Variants in NT5C2 observed in about 807,000 individuals in gnomAD.
The protein encoded by NT5C2 is 5'-nucleotidase, cytosolic II, also known as cytosolic purine 5'-nucleotidase.
Under a neutral mutation model 76.1 loss-of-function variants are expected in NT5C2, and 58 were observed. The ratio of observed to expected loss-of-function variants is 0.76; its 90% CI spans 0.62 to 0.95. NT5C2 has a LOEUF of 0.95. NT5C2 is among the 40% of genes least tolerant of loss of function. The pLI is 0.00. For missense variants in NT5C2, 478 were observed against 690.3 expected (o/e 0.69, Z 3.45); for synonymous variants, 229 against 237.4 (o/e 0.96, Z 0.32).
At chr10:103,115,481 T>C (rs1490563087) in intron 4 of NT5C2, among the ~76,000 whole-genome samples, 1 of 152,220 alleles carries the variant, frequency 6.6e-6, no homozygotes, top group Non-Finnish European at 1.5e-5. Context: ...GCCACTAATA[T>C]TATTACATGA....
intron 3 of NT5C2, among the ~76,000 whole-genome samples, chr10:103,140,763 T>G (rs2080265048): frequency 6.6e-6 from 1 of 152,248 alleles, no homozygotes; most frequent in South Asian, 2.1e-4. Context: ...GGTTTTGATT[T>G]GCACTTCCCC....
intron 3 of NT5C2, chr10:103,140,022 A>T (rs1458895326): frequency 6.6e-6 from 1 of 152,288 alleles, no homozygotes; most frequent in Non-Finnish European, 1.5e-5. Context: ...GGCTCAGGAG[A>T]TCCTCCTTAC....
At chr10:103,120,581 G>A (rs2075460770) in intron 4 of NT5C2, among the ~76,000 whole-genome samples, 1 of 152,080 alleles carries the variant, frequency 6.6e-6, no homozygotes. Flanking sequence ...ATAAGATACC[G>A]TAACTTCACA....
chr10:103,113,527 A>G (rs145457397), intron 4 of NT5C2, among the ~76,000 whole-genome samples: 93 of 152,292 alleles, frequency 6.1e-4, no homozygotes, highest in African/African-American at 2.0e-3. Flanking sequence ...AACAGATCAC[A>G]GCACTCAAAT....
chr10:103,115,777 A>C (rs2074192275), intron 4 of NT5C2, among the ~76,000 whole-genome samples: 3 of 152,144 alleles, frequency 2.0e-5, no homozygotes, highest in Admixed American at 1.3e-4. Flanking sequence ...TCATATATTA[A>C]AAAGTTGTCT....
chr10:103,141,686 A>G (rs1385443480), intron 3 of NT5C2, among the ~76,000 whole-genome samples: 2 of 152,192 alleles, frequency 1.3e-5, no homozygotes, highest in Admixed American at 6.6e-5. Context: ...ATTAATTTAT[A>G]ATTTATTTAA....
intron 4 of NT5C2, among the ~76,000 whole-genome samples, chr10:103,122,002 T>C (rs1454096510): frequency 1.3e-5 from 2 of 152,088 alleles, no homozygotes; most frequent in African/African-American, 2.4e-5. Flanking sequence ...TAGCCAACCC[T>C]GTCTCTACTA....
chr10:103,157,602 A>T (rs1474723200), intron 3 of NT5C2, among the ~76,000 whole-genome samples: 1 of 152,228 alleles, frequency 6.6e-6, no homozygotes, highest in South Asian at 2.1e-4. Flanking sequence ...AGGTAAAGAC[A>T]TCTTTAGAAT....
chr10:103,182,009 C>CAA (rs372557039), intron 1 of NT5C2, among the ~76,000 whole-genome samples: 23 of 124,838 alleles, frequency 1.8e-4, no homozygotes, highest in East Asian at 4.5e-4. Context: ...GACTCTATCT[C>CAA]AAAAAAAAAA....
At position 103,126,655 on chromosome 10, in the gene NT5C2, A is replaced by G. The variant is rs185942166; in HGVS notation, c.175+12751T>C. 4.6e-3 allele frequency among the ~76,000 whole-genome samples: 692 copies of G among 151,876 alleles called. 8 individuals carry two copies. Among genetic ancestry groups the G allele is most frequent in the African/African-American group, 0.016 (664 of 41,398 alleles). On this transcript the variant is annotated intron_variant, in intron 4 of 18. Coordinates refer to ENST00000404739, the MANE Select transcript of NT5C2 (RefSeq NM_001351169.2). ...AAAAACAAACAAAAAAACATAGTCC[A>G]CTCTTGGCCAGTGGTAAAGCTAACA...
chr10:103,137,655 AACAG>A (rs781505086), intron 4 of NT5C2, among the ~76,000 whole-genome samples: 31 of 152,362 alleles, frequency 2.0e-4, no homozygotes, highest in Admixed American at 7.8e-4. Flanking sequence ...AAAATTTTTT[AACAG>A]ACAATTTCTG....
intron 15 of NT5C2, among the ~76,000 whole-genome samples, chr10:103,092,127 G>C (rs755412491): frequency 2.0e-4 from 31 of 152,214 alleles, no homozygotes; most frequent in Non-Finnish European, 2.8e-4. Flanking sequence ...GCAACAGCCA[G>C]CATCTACAGC....
At chr10:103,126,487 T>C (rs2076681214) in intron 4 of NT5C2, among the ~76,000 whole-genome samples, 1 of 152,126 alleles carries the variant, frequency 6.6e-6, no homozygotes, top group African/African-American at 2.4e-5. Context: ...CAGGGCGCGG[T>C]GGTGCATGCC....
At chr10:103,134,193 A>T (rs2078756665) in intron 4 of NT5C2, among the ~76,000 whole-genome samples, 1 of 152,176 alleles carries the variant, frequency 6.6e-6, no homozygotes, top group African/African-American at 2.4e-5. Flanking sequence ...GCCTAATGCT[A>T]ATCACCGAGA....
In NT5C2 at chr10:103,097,869, A is replaced by C. The variant is rs532460481; in HGVS notation, c.688-495T>G. On this transcript the variant is annotated intron_variant, in intron 10 of 18. Coordinates refer to ENST00000404739, the MANE Select transcript of NT5C2 (RefSeq NM_001351169.2). The stretch of plus-strand genomic sequence containing the variant: ...GAAATACCCACACCCACGTGCGCTT[A>C]AATGAGGAAATTCTAACCCCTCATG... 25 of 380,766 alleles carry C rather than the reference A, an allele frequency of 6.6e-5. 1 individual carries two copies. In the Admixed American group the frequency reaches 1.1e-3, roughly 16 times the overall value. The allele number at this position is 380,766 out of a possible 1,614,324, so 23.6% of individuals were successfully genotyped here. A position where few individuals can be genotyped will look rare whatever the true frequency, so the allele number is the denominator to read the frequency against.
chr10:103,189,003 GAA>G (rs879784510), intron 1 of NT5C2, among the ~76,000 whole-genome samples: 1 of 143,118 alleles, frequency 7.0e-6, no homozygotes, highest in African/African-American at 2.6e-5. Flanking sequence ...CTCCGTCTCG[GAA>G]AAAAAAAAAG....
At chr10:103,126,346 G>T (rs948589035) in intron 4 of NT5C2, among the ~76,000 whole-genome samples, 1 of 152,144 alleles carries the variant, frequency 6.6e-6, no homozygotes, top group African/African-American at 2.4e-5. Flanking sequence ...ATAGTTGGCC[G>T]GATGCAGTGG....
chr10:103,181,724 G>A (rs979567068), intron 1 of NT5C2, among the ~76,000 whole-genome samples: 2 of 152,154 alleles, frequency 1.3e-5, no homozygotes, highest in African/African-American at 4.8e-5. Flanking sequence ...AGCAGTAAAG[G>A]CCTGGCGTGG....
chr10:103,171,816 TG>T (rs1283992106), intron 3 of NT5C2, among the ~76,000 whole-genome samples: 1 of 152,158 alleles, frequency 6.6e-6, no homozygotes, highest in Non-Finnish European at 1.5e-5. Context: ...CCCAGCACTT[TG>T]GGAGACCAAG....
Sources: allele counts gnomAD v4.1 joint callset (sites outside exome capture counted in the v4.1 genomes callset), GRCh38; gene constraint gnomAD v4.1.1; transcripts MANE v1.5; gene names NCBI Gene and HGNC (gene_info 2026-07-23, HGNC 2026-07-21).